Variants in SLC8B1 observed in about 807,000 individuals in gnomAD.
The protein encoded by SLC8B1 is solute carrier family 8 member B1.
SLC8B1 carries 52 observed loss-of-function variants against 63.4 expected under a neutral mutation model. The observed-to-expected ratio is 0.82, with a 90% confidence interval of 0.66 to 1.03. The LOEUF is 1.03. SLC8B1 is among the 50% of genes least tolerant of loss of function. The pLI, the probability that SLC8B1 is intolerant of heterozygous loss-of-function variation, is 0.00. For missense variants in SLC8B1, 657 were observed against 741.7 expected (o/e 0.89, Z 1.33); for synonymous variants, 336 against 323.9 (o/e 1.04, Z -0.40).
intron 2 of SLC8B1, among the ~76,000 whole-genome samples, chr12:113,330,319 G>C (rs950762805): frequency 2.0e-5 from 3 of 152,202 alleles, no homozygotes; most frequent in Admixed American, 1.3e-4. Context: ...CAGCCTGCAG[G>C]CTCCCTGGAT....
At chr12:113,326,685 T>C (rs1336405345) in intron 2 of SLC8B1, among the ~76,000 whole-genome samples, 1 of 146,122 alleles carries the variant, frequency 6.8e-6, no homozygotes, top group African/African-American at 2.5e-5. Context: ...TTCTCTCTCT[T>C]TTTTTTTTTT....
rs1956664179 is a variant in SLC8B1, at chr12:113,305,871, C to CTGT, written c.1492+623_1492+624insACA. On this transcript the variant is annotated intron_variant, in intron 14 of 15. Coordinates refer to ENST00000680972, the MANE Select transcript of SLC8B1 (RefSeq NM_001358345.2). The surrounding 1 kb of genome is among the most constrained non-coding windows in gnomAD (Gnocchi z 4.3). ...GTCAGGAGTTTGAGAACAGCCTGGC[C>CTGT]AACATAGTGAAACCCTGTCTCTACT... Among the ~76,000 whole-genome samples the CTGT allele has an allele frequency of 6.6e-6, 1 of 151,896 alleles. No individual in the cohort carries two copies. Among genetic ancestry groups the CTGT allele is most frequent in the Admixed American group, 6.6e-5 (1 of 15,228 alleles).
rs1956900426 is a variant in SLC8B1 at position 113,320,125 on chromosome 12, C to T, written c.694+206G>A. ...TGTGACACTTTTGAATACTCCCTCC[C>T]CAGCCCCCAGCTCTGCCAGGCCTCT... is the stretch of plus-strand genomic sequence containing the variant. On this transcript the variant is annotated intron_variant, in intron 7 of 15. Transcript: ENST00000680972. This position sits in a 1 kb window ranked among gnomAD's most constrained non-coding sequence, Gnocchi z 5.3. 3.3e-6 allele frequency: 2 copies of T among 613,920 alleles called. No homozygotes were observed. The highest frequency in any genetic ancestry group is 5.6e-6 in the Non-Finnish European group (2 of 358,912). 38.0% of individuals were successfully genotyped at this position (613,920 alleles called of 1,614,324 possible).
In SLC8B1 at chr12:113,307,815, G is replaced by C. The variant is rs1474791402; in HGVS notation, c.1287C>G (p.Ser429Arg). The C allele has an allele frequency of 6.2e-7, 1 of 1,613,170 alleles. No individual in the cohort carries two copies. The highest frequency in any genetic ancestry group is 1.1e-5 in the South Asian group (1 of 91,084). ...WLFAFLGFLTSALWINAAATE... is the reference protein window; with the variant it reads ...WLFAFLGFLTRALWINAAATE... ...TGGCGGCCGCGTTGATCCACAGGGC[G>C]CTGGTCAGAAAGCCCAGGAAAGCAA... Residue 429 changes from serine to arginine, a missense_variant, in exon 13 of 16, where the codon AGC (serine) becomes AGG (arginine). Ser to Arg is a moderately radical substitution (Grantham distance 110). Coordinates refer to ENST00000680972, the MANE Select transcript of SLC8B1 (RefSeq NM_001358345.2).
intron 2 of SLC8B1, among the ~76,000 whole-genome samples, chr12:113,322,547 T>C (rs549960066): frequency 2.6e-5 from 4 of 152,294 alleles, no homozygotes; most frequent in African/African-American, 9.6e-5. Flanking sequence ...GAGAAAGTGC[T>C]GAATCAGAGG....
At chr12:113,315,114 C>T (rs1956816468) in intron 11 of SLC8B1, among the ~76,000 whole-genome samples, 4 of 152,126 alleles carry the variant, frequency 2.6e-5, no homozygotes, top group South Asian at 2.1e-4. Context: ...GGTGAAACCC[C>T]GTCTCTGTGA....
chr12:113,302,552 G>A (rs1956603347), intron 15 of SLC8B1: 2 of 447,582 alleles, frequency 4.5e-6, no homozygotes, highest in African/African-American at 4.0e-5. Context: ...GTACAGAAGA[G>A]TAAAAGGGAC....
intron 13 of SLC8B1, among the ~76,000 whole-genome samples, chr12:113,307,474 G>A: frequency 6.6e-6 from 1 of 152,198 alleles, no homozygotes; most frequent in East Asian, 1.9e-4. Flanking sequence ...CAGAGGGTGG[G>A]GAAGAGGCAG....
chr12:113,311,113 G>A (rs1050980672), intron 11 of SLC8B1, among the ~76,000 whole-genome samples: 3 of 152,122 alleles, frequency 2.0e-5, no homozygotes, highest in Non-Finnish European at 2.9e-5. Context: ...CCAGGAGTTC[G>A]AAACCAGCCT....
rs1956545131 is a variant in SLC8B1 at position 113,299,731 on chromosome 12, G to A, written c.*46C>T. 1 of 1,572,524 alleles carries A rather than the reference G, an allele frequency of 6.4e-7. No homozygotes were observed. Among genetic ancestry groups the A allele is most frequent in the Non-Finnish European group, 8.7e-7 (1 of 1,145,304 alleles). On this transcript the variant is annotated 3_prime_UTR_variant, in exon 16 of 16. Transcript: ENST00000680972. The stretch of plus-strand genomic sequence containing the variant: ...CCCTGGGCCTCCCCCGGCAGGAGGG[G>A]CGGGGCTCCTGCCTGCAGTGAGGCC...
chr12:113,313,697 C>T (rs1292912231), intron 11 of SLC8B1, among the ~76,000 whole-genome samples: 1 of 151,842 alleles, frequency 6.6e-6, no homozygotes, highest in African/African-American at 2.4e-5. Flanking sequence ...CGAGATCGTG[C>T]CACTGCACTC....
chr12:113,321,121 C>T lies in SLC8B1; in HGVS notation c.310-13G>A, dbSNP rs372859560. 18 of 1,613,738 alleles carry T rather than the reference C, an allele frequency of 1.1e-5. No individual in the cohort carries two copies. Among genetic ancestry groups the T allele is most frequent in the Non-Finnish European group, 1.4e-5 (16 of 1,179,900 alleles). On this transcript the variant is annotated splice_polypyrimidine_tract_variant and intron_variant, in intron 3 of 15. Coordinates refer to ENST00000680972, the MANE Select transcript of SLC8B1 (RefSeq NM_001358345.2). ...GCAGCCAGGAAACCTGGGTGGGGAG[C>T]GGGCGAGGAAGGGAGAGTCAAGTCC...
At chr12:113,318,540 TGA>T (rs1405290251) in intron 8 of SLC8B1, among the ~76,000 whole-genome samples, 5 of 152,106 alleles carry the variant, frequency 3.3e-5, no homozygotes, top group African/African-American at 9.7e-5. Context: ...TGTATATGTG[TGA>T]GTTGTGTATT....
At position 113,299,579 on chromosome 12, in the gene SLC8B1, C is replaced by T; in HGVS notation, c.*198G>A. 3.3e-6 allele frequency: 2 copies of T among 598,174 alleles called. No homozygotes were observed. The highest frequency in any genetic ancestry group is 5.9e-6 in the Non-Finnish European group (2 of 336,558). 37.1% of individuals were successfully genotyped at this position (598,174 alleles called of 1,614,324 possible). On this transcript the variant is annotated 3_prime_UTR_variant, in exon 16 of 16. Transcript: ENST00000680972. ...AGCCAGGTTTCCAAGGTCCCCACGG[C>T]AAGGCTGTTGGGTGCTGGCAGCAAG...
chr12:113,329,851 T>C (rs192467473), intron 2 of SLC8B1, among the ~76,000 whole-genome samples: 33 of 152,310 alleles, frequency 2.2e-4, no homozygotes, highest in African/African-American at 7.9e-4. Context: ...TTCCTCCCAC[T>C]GACAGCCAAG....
Position 113,307,796 on chromosome 12 carries a change from C to T in SLC8B1, c.1306G>A (p.Ala436Thr). Residue 436 changes from alanine (A) to threonine (T), a missense_variant, in exon 13 of 16, where the codon GCC becomes ACC. By Grantham distance (58) the Ala-to-Thr change is moderately conservative. Coordinates refer to ENST00000680972, the MANE Select transcript of SLC8B1 (RefSeq NM_001358345.2). ...AAGATGTTCACCACCTCTGTGGCGGCCGCGTTGATCCACAGGGCGCTGGTC... is the reference window on the plus strand; with the variant it reads ...AAGATGTTCACCACCTCTGTGGCGGTCGCGTTGATCCACAGGGCGCTGGTC... ...FLTSALWINA[A>T]ATEVVNILRS... The T allele has an allele frequency of 6.2e-7, 1 of 1,613,652 alleles. No individual in the cohort carries two copies. Among genetic ancestry groups the T allele is most frequent in the South Asian group, 1.1e-5 (1 of 91,086 alleles).
At position 113,320,792 on chromosome 12, in the gene SLC8B1, C is replaced by T. The variant is rs778588039; in HGVS notation, c.420+58G>A. The T allele has an allele frequency of 4.4e-6, 7 of 1,579,200 alleles. No homozygotes were observed. Among genetic ancestry groups the T allele is most frequent in the Non-Finnish European group, 6.0e-6 (7 of 1,162,896 alleles). ...CACGGGGATAGACATGACCCTATCT[C>T]CCAGCCTCCCCACAACTGCCCTCCC... is the stretch of plus-strand genomic sequence containing the variant. On this transcript the variant is annotated intron_variant, in intron 5 of 15. Coordinates refer to ENST00000680972, the MANE Select transcript of SLC8B1 (RefSeq NM_001358345.2). This position sits in a 1 kb window ranked among gnomAD's most constrained non-coding sequence, Gnocchi z 5.3.
chr12:113,303,141 A>T (rs200171224), intron 15 of SLC8B1, among the ~76,000 whole-genome samples: 1 of 145,638 alleles, frequency 6.9e-6, no homozygotes, highest in Non-Finnish European at 1.5e-5. Flanking sequence ...ACACACACAC[A>T]CGCGCGCGCA....
At position 113,307,782 on chromosome 12, in the gene SLC8B1, C is replaced by A; in HGVS notation, c.1320G>T (p.Val440=). ...ALWINAAATE[V]VNILRSLGVV... ...CACCCAGGGACCGCAAGATGTTCAC[C>A]ACCTCTGTGGCGGCCGCGTTGATCC... Residue 440 remains valine (V), a synonymous_variant, in exon 13 of 16, where the codon GTG becomes GTT. Coordinates refer to ENST00000680972, the MANE Select transcript of SLC8B1 (RefSeq NM_001358345.2). 3 of 1,613,916 alleles carry A rather than the reference C, an allele frequency of 1.9e-6. No homozygotes were observed. Among genetic ancestry groups the A allele is most frequent in the Non-Finnish European group, 2.5e-6 (3 of 1,180,040 alleles).
Sources: gnomAD v4.1 joint callset for allele counts (sites outside exome capture counted in the v4.1 genomes callset) on GRCh38, gnomAD v4.1.1 for gene constraint, Gnocchi (gnomAD v3.1) non-coding constraint, MANE v1.5 for transcripts, NCBI Gene and HGNC (gene_info 2026-07-23, HGNC 2026-07-21) for gene names.